Variants in NCOA7 observed in about 807,000 individuals in gnomAD.
The protein encoded by NCOA7 is 140 kDa estrogen receptor-associated protein.
In NCOA7, 45 loss-of-function variants were observed where a neutral mutation model predicts 104.3. The observed-to-expected ratio is 0.43, with a 90% confidence interval of 0.34 to 0.55. The LOEUF (loss-of-function observed/expected upper bound fraction) is 0.55, where lower values mean the gene tolerates loss of function less well. Ranked by LOEUF, NCOA7 falls within the 20% of genes least tolerant of loss-of-function variation. The pLI is 0.02. For missense variants in NCOA7, 1,041 were observed against 1,119.7 expected (o/e 0.93, Z 1.00); for synonymous variants, 398 against 402.3 (o/e 0.99, Z 0.13).
At chr6:125,869,439 A>T (rs1456603288) in intron 3 of NCOA7, among the ~76,000 whole-genome samples, 1 of 152,148 alleles carries the variant, frequency 6.6e-6, no homozygotes, top group Non-Finnish European at 1.5e-5. Flanking sequence ...CTGTTCTCCA[A>T]TTCTGACAGG....
chr6:125,813,240 A>C lies in NCOA7; in HGVS notation c.-64-2051A>C, dbSNP rs564997627. On this transcript the variant is annotated intron_variant, in intron 1 of 15. Coordinates refer to ENST00000392477, the MANE Select transcript of NCOA7 (RefSeq NM_181782.5). ...GCATGAGCAATTGATGGCCTCTGAC[A>C]AGGTGCAGTGAAGGGGGTGGGCTGC... is the stretch of plus-strand genomic sequence containing the variant. Among the ~76,000 whole-genome samples the C allele has an allele frequency of 9.9e-5, 15 of 152,254 alleles. No individual in the cohort carries two copies. In the South Asian group the frequency reaches 3.1e-3, roughly 32 times the overall value.
chr6:125,833,510 T>C (rs966595054), intron 2 of NCOA7, among the ~76,000 whole-genome samples: 2 of 147,802 alleles, frequency 1.4e-5, no homozygotes, highest in Non-Finnish European at 3.0e-5. Flanking sequence ...GAGGCAGAAG[T>C]TGCAGTGAGC....
intron 1 of NCOA7, among the ~76,000 whole-genome samples, chr6:125,805,476 C>T (rs187096326): frequency 6.6e-6 from 1 of 152,204 alleles, no homozygotes; most frequent in East Asian, 1.9e-4. Flanking sequence ...AATAGCCCAC[C>T]CTTACAGGCC....
intron 10 of NCOA7, among the ~76,000 whole-genome samples, chr6:125,900,479 A>G (rs1474988384): frequency 6.6e-6 from 1 of 152,248 alleles, no homozygotes; most frequent in African/African-American, 2.4e-5. Context: ...TGGTGAACCA[A>G]AGAGTATTTT....
chr6:125,927,696 T>C lies in NCOA7; in HGVS notation c.2557T>C (p.Phe853Leu), dbSNP rs1317263149. The C allele has an allele frequency of 6.2e-7, 1 of 1,614,032 alleles. No individual in the cohort carries two copies. Among genetic ancestry groups the C allele is most frequent in the East Asian group, 2.2e-5 (1 of 44,876 alleles). Residue 853 changes from phenylalanine (F) to leucine (L), a missense_variant, in exon 14 of 16, where the codon TTC (phenylalanine) becomes CTC (leucine). Around this residue, in one of 2 missense-constraint regions of NCOA7, gnomAD observed 127 missense variants for 177.0 expected, o/e 0.72. Coordinates refer to ENST00000392477, the MANE Select transcript of NCOA7 (RefSeq NM_181782.5). The stretch of plus-strand genomic sequence containing the variant: ...AGCATATGCAACTCATCCTTTCAAG[T>C]TCAGTGACCACTATTATGGCACAGG... ...FGAYATHPFK[F>L]SDHYYGTGET...
intron 2 of NCOA7, among the ~76,000 whole-genome samples, chr6:125,854,287 A>G (rs527402125): frequency 1.3e-5 from 2 of 152,362 alleles, no homozygotes; most frequent in Admixed American, 6.5e-5. Flanking sequence ...TGATGTGTCC[A>G]CTGAAAATAT....
chr6:125,820,080 G>A (rs1274833262), intron 2 of NCOA7, among the ~76,000 whole-genome samples: 1 of 152,114 alleles, frequency 6.6e-6, no homozygotes, highest in Non-Finnish European at 1.5e-5. Context: ...CCTATTCCCT[G>A]GTTGTCATGA....
chr6:125,910,188 C>T (rs1399693423), intron 10 of NCOA7, among the ~76,000 whole-genome samples: 3 of 152,150 alleles, frequency 2.0e-5, no homozygotes, highest in Non-Finnish European at 2.9e-5. Flanking sequence ...AGGAAAACAT[C>T]GGGCATAGCT....
chr6:125,825,356 A>AG (rs1289929488), intron 2 of NCOA7, among the ~76,000 whole-genome samples: 1 of 152,178 alleles, frequency 6.6e-6, no homozygotes, highest in Non-Finnish European at 1.5e-5. Context: ...TTTTTAAAAA[A>AG]CCAAACCACA....
chr6:125,846,080 A>G (rs189282652), intron 2 of NCOA7, among the ~76,000 whole-genome samples: 6 of 152,050 alleles, frequency 3.9e-5, no homozygotes, highest in African/African-American at 1.4e-4. Flanking sequence ...CAATTTTGAT[A>G]TTTTCTAGTT....
chr6:125,850,154 C>G (rs977659070), intron 2 of NCOA7, among the ~76,000 whole-genome samples: 1 of 152,138 alleles, frequency 6.6e-6, no homozygotes, highest in Non-Finnish European at 1.5e-5. Flanking sequence ...AGGTTGGCAG[C>G]TATTCTCCTT....
chr6:125,880,308 C>T (rs1783714244), intron 5 of NCOA7, among the ~76,000 whole-genome samples: 2 of 152,026 alleles, frequency 1.3e-5, no homozygotes, highest in African/African-American at 4.8e-5. Flanking sequence ...CCATTTCTAC[C>T]TGGCACAGAT....
intron 3 of NCOA7, among the ~76,000 whole-genome samples, chr6:125,855,768 C>T (rs1324974339): frequency 2.0e-5 from 3 of 152,058 alleles, no homozygotes; most frequent in African/African-American, 7.2e-5. Context: ...ACTGCAACCT[C>T]TGCCTCCCAG....
chr6:125,819,465 T>C (rs1777949596), intron 2 of NCOA7, among the ~76,000 whole-genome samples: 1 of 151,932 alleles, frequency 6.6e-6, no homozygotes, highest in East Asian at 1.9e-4. Context: ...GTCCAACTGG[T>C]TTTCAGGTGC....
At chr6:125,822,539 C>T (rs1346153704) in intron 2 of NCOA7, among the ~76,000 whole-genome samples, 1 of 152,194 alleles carries the variant, frequency 6.6e-6, no homozygotes, top group Non-Finnish European at 1.5e-5. Flanking sequence ...AGCCCCAAAT[C>T]CCTGTCTGCT....
chr6:125,807,861 A>G (rs1776603462), intron 1 of NCOA7, among the ~76,000 whole-genome samples: 1 of 152,234 alleles, frequency 6.6e-6, no homozygotes, highest in Admixed American at 6.5e-5. Flanking sequence ...GTCAGTCAAC[A>G]CATACCTCTT....
At chr6:125,788,213 A>G (rs1201349820), upstream of NCOA7, among the ~76,000 whole-genome samples, 2 of 152,240 alleles carry the variant, frequency 1.3e-5, no homozygotes, top group Non-Finnish European at 2.9e-5. Flanking sequence ...AGTTTGTGCT[A>G]TCCAAAAGCA....
intron 3 of NCOA7, among the ~76,000 whole-genome samples, chr6:125,873,246 C>G (rs375249027): frequency 6.6e-6 from 1 of 152,144 alleles, no homozygotes; most frequent in East Asian, 1.9e-4. Context: ...TGGTCCAAGC[C>G]GGGCTTCTTG....
upstream of NCOA7, among the ~76,000 whole-genome samples, chr6:125,788,925 T>C (rs1453342519): frequency 1.3e-5 from 2 of 152,106 alleles, no homozygotes; most frequent in African/African-American, 2.4e-5. Flanking sequence ...AAAACATCAC[T>C]GCTTAATTTA....
Sources: gnomAD v4.1 joint callset for allele counts (sites outside exome capture counted in the v4.1 genomes callset) on GRCh38, gnomAD v4.1.1 for gene constraint, gnomAD v4.1.1 regional missense constraint, MANE v1.5 for transcripts, NCBI Gene and HGNC (gene_info 2026-07-23, HGNC 2026-07-21) for gene names.